Variants in NEK10 observed in about 807,000 individuals in gnomAD.
NEK10 encodes the protein NIMA related kinase 10, also known as serine/threonine-protein kinase Nek10.
In NEK10, 122 loss-of-function variants were observed where a neutral mutation model predicts 159.8. The observed-to-expected ratio is 0.76, with a 90% CI of 0.66 to 0.89. The LOEUF is 0.89. Ranked by LOEUF, NEK10 falls within the 40% of genes least tolerant of loss-of-function variation. The probability of loss-of-function intolerance (pLI) is 0.00; values close to 1 mark genes in which losing one functional copy is unlikely to be tolerated. For synonymous variants in NEK10, 466 were observed against 457.1 expected (o/e 1.02, Z -0.25); for missense variants, 1,342 against 1,323.1 (o/e 1.01, Z -0.22).
intron 29 of NEK10, among the ~76,000 whole-genome samples, chr3:27,169,858 G>T (rs548854177): frequency 1.3e-5 from 2 of 152,110 alleles, no homozygotes; most frequent in African/African-American, 4.8e-5. Context: ...GCAGTAAACA[G>T]GAACCTGATC....
intron 23 of NEK10, among the ~76,000 whole-genome samples, chr3:27,244,038 C>T (rs898610854): frequency 1.3e-5 from 2 of 152,158 alleles, no homozygotes; most frequent in Non-Finnish European, 2.9e-5. Context: ...CCCAAAAAAA[C>T]CGCATTTCCA....
chr3:27,115,868 T>A, intron 35 of NEK10, 72 bp downstream of exon 35: 1 of 1,106,160 alleles, frequency 9.0e-7, no homozygotes, highest in Non-Finnish European at 1.3e-6. Context: ...GAATAAAGGA[T>A]AAAGAAATTA....
Position 27,284,862 on chromosome 3 carries a change from C to T in NEK10, c.1889G>A (p.Arg630Lys). ...KEKHHHFTEE[R>K]LWKIFIQLCL... ...TACCTGTATAAATATTTTCCATAGT[C>T]TTTCTTCAGTAAAATGGTGATGTTT... The change falls in exon 21 of 36, where the codon AGA (arginine) becomes AAA (lysine). Residue 630 changes from arginine to lysine, a missense_variant. Transcript: ENST00000691995. 4.4e-6 allele frequency: 7 copies of T among 1,586,854 alleles called. No individual in the cohort carries two copies. The highest frequency in any genetic ancestry group is 2.6e-6 in the Non-Finnish European group (3 of 1,156,032).
Position 27,109,075 on chromosome 3 carries a change from A to C in NEK10, c.*2197T>G, listed in dbSNP as rs1239110975. On this transcript the variant is annotated 3_prime_UTR_variant, in exon 36 of 36. Transcript: ENST00000691995. ...AGCATAATAAATGCCCATTCCTATC[A>C]CCTAAAAGAGTTACATGCAATGGCT... 6.6e-6 allele frequency among the ~76,000 whole-genome samples: 1 copy of C among 152,156 alleles called. No individual in the cohort carries two copies. The highest frequency in any genetic ancestry group is 2.4e-5 in the African/African-American group (1 of 41,440).
intron 22 of NEK10, among the ~76,000 whole-genome samples, chr3:27,263,974 A>G (rs2040658310): frequency 6.6e-6 from 1 of 152,202 alleles, no homozygotes; most frequent in Non-Finnish European, 1.5e-5. Flanking sequence ...ATATATAAAT[A>G]CATGTAGTAG....
intron 23 of NEK10, among the ~76,000 whole-genome samples, chr3:27,228,483 A>T (rs1435072530): frequency 6.6e-6 from 1 of 152,110 alleles, no homozygotes; most frequent in African/African-American, 2.4e-5. Context: ...TTAAGGAGAA[A>T]ATGTGGCAAT....
chr3:27,291,676 T>C, intron 16 of NEK10, 90 bp from the exon 17 acceptor site: 1 of 757,488 alleles, frequency 1.3e-6, no homozygotes, highest in Non-Finnish European at 2.3e-6. Flanking sequence ...AGAGTCTCAC[T>C]GTGTCACCCA....
intron 29 of NEK10, among the ~76,000 whole-genome samples, chr3:27,167,528 C>T (rs1946595727): frequency 6.6e-6 from 1 of 152,176 alleles, no homozygotes; most frequent in Non-Finnish European, 1.5e-5. Context: ...TTCCACTATA[C>T]AGAGTATTTT....
chr3:27,291,120 G>T, intron 18 of NEK10, 142 bp downstream of exon 18: 2 of 876,730 alleles, frequency 2.3e-6, no homozygotes, highest in Non-Finnish European at 3.5e-6. Flanking sequence ...TATCTCTGTT[G>T]GACAAAAACA....
chr3:27,231,923 T>C (rs1953323465), intron 23 of NEK10, among the ~76,000 whole-genome samples: 1 of 151,902 alleles, frequency 6.6e-6, no homozygotes, highest in Admixed American at 6.6e-5. Flanking sequence ...GAAGAATTGG[T>C]GTTGATTCTA....
chr3:27,297,231 G>A lies in NEK10; in HGVS notation c.1178C>T (p.Ala393Val). The A allele has an allele frequency of 6.2e-7, 1 of 1,611,926 alleles. No individual in the cohort carries two copies. Among genetic ancestry groups the A allele is most frequent in the Middle Eastern group, 1.7e-4 (1 of 6,054 alleles). ...NTFSLQAACCAALTELVLNDT... is the reference protein window; with the variant it reads ...NTFSLQAACCVALTELVLNDT... ...ATTGAGCACCAGCTCAGTGAGGGCA[G>A]CACAGCAGGCTGGAATGACAACAAT... is the stretch of plus-strand genomic sequence containing the variant. The change falls in exon 14 of 36, where the codon GCT becomes GTT. Residue 393 changes from alanine to valine, a missense_variant. Physicochemically the swap from Ala to Val is moderately conservative, Grantham distance 64. Transcript: ENST00000691995.
chr3:27,143,555 A>G (rs953797853), intron 30 of NEK10: 6 of 680,686 alleles, frequency 8.8e-6, no homozygotes, highest in African/African-American at 7.1e-5. Flanking sequence ...CTCAAAAATT[A>G]TTTTTATTGA....
intron 23 of NEK10, among the ~76,000 whole-genome samples, chr3:27,225,934 G>A (rs1030070022): frequency 2.0e-5 from 3 of 152,142 alleles, no homozygotes; most frequent in Non-Finnish European, 2.9e-5. Flanking sequence ...CCAGATATAG[G>A]AAATGAGTTC....
intron 20 of NEK10, among the ~76,000 whole-genome samples, chr3:27,285,496 A>C (rs972175662): frequency 6.7e-6 from 1 of 149,838 alleles, no homozygotes; most frequent in Non-Finnish European, 1.5e-5. Context: ...CATGATAGAA[A>C]TTTCTGTTAT....
At chr3:27,197,977 T>C (rs980332878) in intron 25 of NEK10, among the ~76,000 whole-genome samples, 2 of 152,104 alleles carry the variant, frequency 1.3e-5, no homozygotes, top group African/African-American at 4.8e-5. Context: ...CCATTCAGTA[T>C]AACATCGGCT....
At chr3:27,250,924 C>T (rs149661608) in intron 23 of NEK10, among the ~76,000 whole-genome samples, 1 of 152,230 alleles carries the variant, frequency 6.6e-6, no homozygotes, top group East Asian at 1.9e-4. Flanking sequence ...GCCTAGTGTT[C>T]TATAACCTCC....
intron 26 of NEK10, among the ~76,000 whole-genome samples, chr3:27,189,516 C>T (rs558635220): frequency 6.6e-6 from 1 of 152,200 alleles, no homozygotes; most frequent in South Asian, 2.1e-4. Context: ...TTGATAATAA[C>T]TGCTCTGGGA....
chr3:27,215,300 A>G (rs549754803), intron 23 of NEK10, among the ~76,000 whole-genome samples: 13 of 152,270 alleles, frequency 8.5e-5, no homozygotes, highest in Admixed American at 3.3e-4. Flanking sequence ...TATCTGGGTA[A>G]CCCATGGGAT....
intron 23 of NEK10, among the ~76,000 whole-genome samples, chr3:27,246,828 A>G (rs1955117909): frequency 6.6e-6 from 1 of 152,126 alleles, no homozygotes; most frequent in Non-Finnish European, 1.5e-5. Context: ...TCTTCGGTTA[A>G]GTTAATTCCT....
Sources: allele counts gnomAD v4.1 joint callset (sites outside exome capture counted in the v4.1 genomes callset), GRCh38; gene constraint gnomAD v4.1.1; transcripts MANE v1.5; gene names NCBI Gene and HGNC (gene_info 2026-07-23, HGNC 2026-07-21).